IFT56: variants seen among roughly 807,000 people sequenced by gnomAD.
IFT56 encodes intraflagellar transport protein 56.
chr7:139,172,209 A>G, the IFT56 span, among the ~76,000 whole-genome samples: 1 of 152,194 alleles, frequency 6.6e-6, no homozygotes, highest in East Asian at 1.9e-4. Context: ...ATGTCTATTG[A>G]AATAGCCTAA....
At chr7:139,179,561 C>T in the IFT56 span, 1 of 1,612,246 alleles carries the variant, frequency 6.2e-7, no homozygotes, top group Non-Finnish European at 8.5e-7. Flanking sequence ...CCCTTTCTTT[C>T]CTCTTCTTGC....
chr7:139,146,947 T>C, the IFT56 span: 1 of 1,492,422 alleles, frequency 6.7e-7, no homozygotes, highest in Non-Finnish European at 9.0e-7. Flanking sequence ...GTTGTCAAGC[T>C]ATGCCTCCAG....
At chr7:139,158,530 G>A in the IFT56 span, among the ~76,000 whole-genome samples, 1 of 152,084 alleles carries the variant, frequency 6.6e-6, no homozygotes, top group Non-Finnish European at 1.5e-5. Flanking sequence ...AGATGTTGAA[G>A]TATAGCATGT....
the IFT56 span, among the ~76,000 whole-genome samples, chr7:139,189,090 A>G: frequency 6.6e-6 from 1 of 152,226 alleles, no homozygotes; most frequent in Non-Finnish European, 1.5e-5. Flanking sequence ...ATGGATAAAC[A>G]AGGAACACTT....
the IFT56 span, chr7:139,179,491 A>G: frequency 1.8e-6 from 2 of 1,127,470 alleles, no homozygotes; most frequent in African/African-American, 1.5e-5. Context: ...TACAGTGATC[A>G]TCAATCTAAG....
the IFT56 span, chr7:139,189,551 T>C: frequency 7.0e-5 from 50 of 714,448 alleles, no homozygotes; most frequent in African/African-American, 8.6e-4. Flanking sequence ...TTCCTTGCTC[T>C]TTAAGCCTCA....
the IFT56 span, chr7:139,178,097 C>G: frequency 5.1e-3 from 3,716 of 734,160 alleles, 23 homozygotes; most frequent in Middle Eastern, 0.034. Flanking sequence ...ATGTCAGAAT[C>G]TAGAAAGATA....
At chr7:139,170,492 A>G in the IFT56 span, among the ~76,000 whole-genome samples, 1 of 152,228 alleles carries the variant, frequency 6.6e-6, no homozygotes. Context: ...CAACACATTA[A>G]AAAGATCATT....
the IFT56 span, chr7:139,187,459 T>C: frequency 3.1e-6 from 5 of 1,614,170 alleles, no homozygotes; most frequent in Admixed American, 8.3e-5. Flanking sequence ...AGAGGCTGGA[T>C]CCTAACCCTG....
chr7:139,150,596 G>A, the IFT56 span, among the ~76,000 whole-genome samples: 1,005 of 152,218 alleles, frequency 6.6e-3, 14 homozygotes, highest in African/African-American at 0.024. Context: ...TATGTCAAAT[G>A]TACCAGAAGA....
At chr7:139,160,470 G>A in the IFT56 span, among the ~76,000 whole-genome samples, 30 of 143,628 alleles carry the variant, frequency 2.1e-4, no homozygotes, top group East Asian at 1.4e-3. Flanking sequence ...TTGCTCTGTC[G>A]CCAGGCTGGA....
At chr7:139,134,396 G>A in the IFT56 span, among the ~76,000 whole-genome samples, 1 of 151,644 alleles carries the variant, frequency 6.6e-6, no homozygotes, top group South Asian at 2.1e-4. Flanking sequence ...TCAGCCTCCC[G>A]AGTAGCTGGG....
chr7:139,154,539 T>C, the IFT56 span, among the ~76,000 whole-genome samples: 1 of 152,146 alleles, frequency 6.6e-6, no homozygotes, highest in African/African-American at 2.4e-5. Context: ...AGTCCAACTT[T>C]ATTCTTTTGC....
At chr7:139,133,948 T>C in the IFT56 span, 11 of 1,524,562 alleles carry the variant, frequency 7.2e-6, no homozygotes, top group Non-Finnish European at 1.0e-5. Flanking sequence ...GTGTGAAGTC[T>C]AGGTGTGTCC....
chr7:139,148,711 G>A, the IFT56 span, among the ~76,000 whole-genome samples: 1 of 151,742 alleles, frequency 6.6e-6, no homozygotes, highest in Non-Finnish European at 1.5e-5. Context: ...GATCACTTGA[G>A]GCCAGGAGTT....
At chr7:139,146,969 A>G in the IFT56 span, 5 of 1,518,512 alleles carry the variant, frequency 3.3e-6, no homozygotes, top group South Asian at 1.2e-5. Context: ...GGCTATTTCC[A>G]TTGTTTCTTT....
At chr7:139,169,426 C>A in the IFT56 span, 1 of 1,355,924 alleles carries the variant, frequency 7.4e-7, no homozygotes, top group Non-Finnish European at 1.1e-6. Context: ...AAGTTTGATT[C>A]TCTGTCTAGG....
At chr7:139,157,909 T>C in the IFT56 span, among the ~76,000 whole-genome samples, 1 of 152,160 alleles carries the variant, frequency 6.6e-6, no homozygotes, top group African/African-American at 2.4e-5. Flanking sequence ...TGAAGTAAGA[T>C]ATCTAGTCAT....
At chr7:139,156,361 C>G in the IFT56 span, among the ~76,000 whole-genome samples, 1 of 150,438 alleles carries the variant, frequency 6.6e-6, no homozygotes, top group Non-Finnish European at 1.5e-5. Context: ...TTTTTCCCTT[C>G]CTCTGTTTGC....
Sources: gnomAD v4.1 joint callset for allele counts (sites outside exome capture counted in the v4.1 genomes callset) on GRCh38, gnomAD v4.1.1 for gene constraint, MANE v1.5 for transcripts, NCBI Gene and HGNC (gene_info 2026-07-23, HGNC 2026-07-21) for gene names.